The following ITPR2 variants were observed in gnomAD, a reference collection of about 807,000 sequenced individuals.
ITPR2 encodes the protein inositol 1,4,5-trisphosphate receptor type 2.
In ITPR2, 207 loss-of-function variants were observed where a neutral mutation model predicts 317.1. The observed-to-expected ratio is 0.65, with a 90% CI of 0.58 to 0.73. ITPR2 has a LOEUF of 0.73. ITPR2 is among the 30% of genes least tolerant of loss of function. ITPR2 has a pLI of 0.00. For missense variants in ITPR2, 2,613 were observed against 3,284.0 expected, an observed-to-expected ratio of 0.80 and a Z score of 4.99; for synonymous variants, 1,156 against 1,149.1, an observed-to-expected ratio of 1.01 and a Z score of -0.12.
chr12:26,436,996 G>A (rs1046833614), intron 47 of ITPR2, among the ~76,000 whole-genome samples: 7 of 152,178 alleles, frequency 4.6e-5, no homozygotes, highest in African/African-American at 9.7e-5. Context: ...AGTGGAACAC[G>A]CTTTGCTGCA....
intron 37 of ITPR2, among the ~76,000 whole-genome samples, chr12:26,529,602 C>T (rs747990873): frequency 1.3e-5 from 2 of 152,190 alleles, no homozygotes; most frequent in Non-Finnish European, 2.9e-5. Context: ...TATAATCACG[C>T]TGCCTGGGTT....
rs111901115 is a variant in ITPR2 at position 26,589,206 on chromosome 12, C to G, written c.4380+6259G>C. ...TGCTTACAGGACATGGATACTGTCTCTGTCAGGATATTAGAATGGAATAAG... is the reference window on the plus strand; with the variant it reads ...TGCTTACAGGACATGGATACTGTCTGTGTCAGGATATTAGAATGGAATAAG... On this transcript the variant is annotated intron_variant, in intron 32 of 56. Transcript: ENST00000381340. Among the ~76,000 whole-genome samples, 7 of 152,230 alleles carry G rather than the reference C, an allele frequency of 4.6e-5. 1 individual carries two copies. The highest frequency in any genetic ancestry group is 1.7e-4 in the African/African-American group (7 of 41,546).
At chr12:26,667,258 A>T (rs1447449036) in intron 13 of ITPR2, among the ~76,000 whole-genome samples, 1 of 152,154 alleles carries the variant, frequency 6.6e-6, no homozygotes, top group Non-Finnish European at 1.5e-5. Flanking sequence ...AAACATCCTG[A>T]TCCTATCTCC....
Position 26,486,153 on chromosome 12 carries a change from A to G in ITPR2, c.5762T>C (p.Ile1921Thr), listed in dbSNP as rs1348548825. ...ACACAGTAACTGAAGAAATCTCAGTATTGGCTGCATGATGGCAATTGCGGG... is the reference window on the plus strand; with the variant it reads ...ACACAGTAACTGAAGAAATCTCAGTGTTGGCTGCATGATGGCAATTGCGGG... The part of the protein sequence containing the change: ...MSPAIAIMQP[I>T]LRFLQLLCEN... The change falls in exon 41 of 57, where the codon ATA (isoleucine) becomes ACA (threonine). Residue 1921 changes from isoleucine to threonine, a missense_variant. Physicochemically the swap from Ile to Thr is moderately conservative, Grantham distance 89 (BLOSUM62 -1). Around this residue, in one of 9 missense-constraint regions of ITPR2, gnomAD observed 926 missense variants for 1,072.8 expected, o/e 0.86. Coordinates refer to ENST00000381340, the MANE Select transcript of ITPR2 (RefSeq NM_002223.4). 6.2e-7 allele frequency: 1 copy of G among 1,614,156 alleles called. No individual in the cohort carries two copies. Among genetic ancestry groups the G allele is most frequent in the Non-Finnish European group, 8.5e-7 (1 of 1,179,982 alleles).
intron 2 of ITPR2, among the ~76,000 whole-genome samples, chr12:26,727,483 T>C (rs532288691): frequency 6.6e-6 from 1 of 152,340 alleles, no homozygotes; most frequent in East Asian, 1.9e-4. Flanking sequence ...TAAGGTCAAT[T>C]GGAAATGATC....
intron 14 of ITPR2, among the ~76,000 whole-genome samples, chr12:26,664,947 T>C (rs1006465843): frequency 8.5e-5 from 13 of 152,206 alleles, no homozygotes; most frequent in Non-Finnish European, 1.6e-4. Context: ...AGAATATGTG[T>C]ATCAAGAACA....
intron 4 of ITPR2, 145 bp downstream of exon 4, chr12:26,724,511 A>G: frequency 1.5e-6 from 1 of 650,126 alleles, no homozygotes; most frequent in Non-Finnish European, 2.8e-6. Context: ...TCAAATGAAT[A>G]CATCACAATA....
At chr12:26,386,625 G>A (rs1939671114) in intron 55 of ITPR2, among the ~76,000 whole-genome samples, 1 of 147,748 alleles carries the variant, frequency 6.8e-6, no homozygotes, top group South Asian at 2.3e-4. Flanking sequence ...GTCATCTAAG[G>A]CCTCTTTCTC....
chr12:26,763,249 T>G (rs962414079), intron 2 of ITPR2, among the ~76,000 whole-genome samples: 3 of 152,134 alleles, frequency 2.0e-5, no homozygotes, highest in African/African-American at 7.2e-5. Flanking sequence ...TATACATTTT[T>G]TCTTTGCCAA....
At chr12:26,368,785 C>T (rs1051340027) in intron 55 of ITPR2, among the ~76,000 whole-genome samples, 4 of 151,996 alleles carry the variant, frequency 2.6e-5, no homozygotes, top group East Asian at 1.9e-4. Context: ...CTCTAAGTCC[C>T]GATAATACAA....
chr12:26,360,311 G>C (rs1281753140), intron 55 of ITPR2, among the ~76,000 whole-genome samples: 1 of 152,186 alleles, frequency 6.6e-6, no homozygotes, highest in Non-Finnish European at 1.5e-5. Context: ...ACCACTTCGA[G>C]AGGGAAGTTC....
intron 26 of ITPR2, among the ~76,000 whole-genome samples, chr12:26,617,015 T>C (rs1008017712): frequency 7.9e-5 from 12 of 152,240 alleles, no homozygotes; most frequent in African/African-American, 2.7e-4. Flanking sequence ...TATATGTTAA[T>C]TGACTGTCTG....
intron 1 of ITPR2, among the ~76,000 whole-genome samples, chr12:26,802,109 T>C (rs967893996): frequency 2.6e-5 from 4 of 152,020 alleles, no homozygotes; most frequent in African/African-American, 9.7e-5. Flanking sequence ...AGATCAGCCT[T>C]GGGCAACATT....
intron 34 of ITPR2, among the ~76,000 whole-genome samples, chr12:26,566,736 T>C (rs1050404324): frequency 2.0e-5 from 3 of 152,188 alleles, no homozygotes; most frequent in Admixed American, 6.5e-5. Context: ...ATTTCCTTAG[T>C]AAATGTTTTC....
intron 32 of ITPR2, among the ~76,000 whole-genome samples, chr12:26,591,272 A>C (rs1945695234): frequency 6.6e-6 from 1 of 152,160 alleles, no homozygotes; most frequent in South Asian, 2.1e-4. Flanking sequence ...AAATGGGCAA[A>C]AGATCTGAAT....
intron 49 of ITPR2, chr12:26,419,472 G>A (rs899330984): frequency 6.5e-6 from 2 of 306,478 alleles, no homozygotes; most frequent in Non-Finnish European, 1.2e-5. Context: ...ATCCTTTGCA[G>A]TTCCAGGAAG....
At chr12:26,455,561 A>T (rs1354721531) in intron 45 of ITPR2, among the ~76,000 whole-genome samples, 1 of 152,152 alleles carries the variant, frequency 6.6e-6, no homozygotes, top group African/African-American at 2.4e-5. Context: ...ATATTTTGTT[A>T]CTTGTTCATT....
At chr12:26,466,607 C>G (rs189514008) in intron 45 of ITPR2, among the ~76,000 whole-genome samples, 47 of 152,120 alleles carry the variant, frequency 3.1e-4, no homozygotes, top group African/African-American at 1.1e-3. Context: ...TAATTGAATC[C>G]AGTAAAAGAG....
intron 39 of ITPR2, among the ~76,000 whole-genome samples, chr12:26,488,342 T>G (rs1409602933): frequency 6.6e-6 from 1 of 152,078 alleles, no homozygotes; most frequent in East Asian, 1.9e-4. Context: ...ATAAGAACAT[T>G]TAAACAGCCA....
Sources: gnomAD v4.1 joint callset for allele counts (sites outside exome capture counted in the v4.1 genomes callset) on GRCh38, gnomAD v4.1.1 for gene constraint, gnomAD v4.1.1 regional missense constraint, MANE v1.5 for transcripts, NCBI Gene and HGNC (gene_info 2026-07-23, HGNC 2026-07-21) for gene names.